PRKD1: variants seen among roughly 807,000 people sequenced by gnomAD.
PRKD1 encodes the protein protein kinase D1.
Under a neutral mutation model 95.9 loss-of-function variants are expected in PRKD1, and 63 were observed. That is an observed-to-expected ratio of 0.66 (90% confidence interval 0.54 to 0.81). The LOEUF (loss-of-function observed/expected upper bound fraction) is 0.81, where lower values mean the gene tolerates loss of function less well. PRKD1 is among the 30% of genes least tolerant of loss of function. The probability of loss-of-function intolerance (pLI) is 0.00; values close to 1 mark genes in which losing one functional copy is unlikely to be tolerated. For synonymous variants in PRKD1, 425 were observed against 423.1 expected, an observed-to-expected ratio of 1.00 and a Z score of -0.05; for missense variants, 1,048 against 1,165.3, an observed-to-expected ratio of 0.90 and a Z score of 1.47.
rs149044738 is a variant in PRKD1 at position 29,788,146 on chromosome 14, T to A, written c.265-62472A>T. 1.6e-3 allele frequency among the ~76,000 whole-genome samples: 244 copies of A among 152,254 alleles called. 1 individual carries two copies. Among genetic ancestry groups the A allele is most frequent in the African/African-American group, 5.7e-3 (237 of 41,548 alleles). The stretch of plus-strand genomic sequence containing the variant: ...CCTCAGTTTTTGCTTGTCTGAAAAA[T>A]AATTTATTTCTCCTATATTTTTGAA... On this transcript the variant is annotated intron_variant, in intron 1 of 17. Transcript: ENST00000331968.
chr14:29,829,288 T>C (rs1383597168), intron 1 of PRKD1, among the ~76,000 whole-genome samples: 4 of 152,186 alleles, frequency 2.6e-5, no homozygotes, highest in Admixed American at 6.5e-5. Context: ...AAATAAGTTG[T>C]TTAATGTCAC....
chr14:29,754,616 C>A (rs944175557), intron 1 of PRKD1, among the ~76,000 whole-genome samples: 2 of 152,050 alleles, frequency 1.3e-5, no homozygotes, highest in African/African-American at 2.4e-5. Flanking sequence ...AACTCTTTAT[C>A]ATATATAAAT....
chr14:29,712,004 A>G (rs1391965358), intron 2 of PRKD1, among the ~76,000 whole-genome samples: 2 of 152,172 alleles, frequency 1.3e-5, no homozygotes, highest in Admixed American at 6.6e-5. Flanking sequence ...TTAAACTTAT[A>G]GGAATATTGA....
chr14:29,897,182 T>G (rs1006631831), intron 1 of PRKD1, among the ~76,000 whole-genome samples: 3 of 152,056 alleles, frequency 2.0e-5, no homozygotes, highest in Non-Finnish European at 4.4e-5. Context: ...CGTGGACATC[T>G]TTCATGTAAA....
intron 1 of PRKD1, among the ~76,000 whole-genome samples, chr14:29,853,225 A>G (rs1223197189): frequency 6.6e-6 from 1 of 152,220 alleles, no homozygotes; most frequent in Non-Finnish European, 1.5e-5. Flanking sequence ...TAGATCATCA[A>G]ATTATATGAA....
Position 29,927,574 on chromosome 14 carries a change from A to G in PRKD1, c.-62T>C, listed in dbSNP as rs1352968484. On this transcript the variant is annotated 5_prime_UTR_variant, in exon 1 of 18. Coordinates refer to ENST00000331968, the MANE Select transcript of PRKD1 (RefSeq NM_002742.3). Reference sequence around the variant, plus strand: ...GGGGCTGGCGGCGCGGCAGCAGGAAAGTTTTGCAGCCGCTGAGCCAGGAGC... The same window carrying G: ...GGGGCTGGCGGCGCGGCAGCAGGAAGGTTTTGCAGCCGCTGAGCCAGGAGC... 2.7e-6 allele frequency: 3 copies of G among 1,093,314 alleles called. No individual in the cohort carries two copies. Among genetic ancestry groups the G allele is most frequent in the Admixed American group, 5.1e-5 (1 of 19,646 alleles). 67.7% of individuals were successfully genotyped at this position (1,093,314 alleles called of 1,614,324 possible).
chr14:29,802,189 A>G (rs1890062311), intron 1 of PRKD1, among the ~76,000 whole-genome samples: 1 of 152,076 alleles, frequency 6.6e-6, no homozygotes, highest in Admixed American at 6.6e-5. Flanking sequence ...AAAAGATGTG[A>G]CTCTACTTGA....
In PRKD1 at chr14:29,865,877, T is replaced by C. The variant is rs573584151; in HGVS notation, c.264+61372A>G. ...CCTATAACAACAAACCTTCTGCTAGTCCTGTATGTTACTGACTATCCATTA... is the reference window on the plus strand; with the variant it reads ...CCTATAACAACAAACCTTCTGCTAGCCCTGTATGTTACTGACTATCCATTA... On this transcript the variant is annotated intron_variant, in intron 1 of 17. Coordinates refer to ENST00000331968, the MANE Select transcript of PRKD1 (RefSeq NM_002742.3). 4.0e-5 allele frequency among the ~76,000 whole-genome samples: 6 copies of C among 151,876 alleles called. No individual in the cohort carries two copies. The East Asian group carries it at 1.2e-3, about 29-fold the overall frequency.
intron 1 of PRKD1, among the ~76,000 whole-genome samples, chr14:29,913,326 C>A (rs763304491): frequency 6.6e-6 from 1 of 152,052 alleles, no homozygotes; most frequent in African/African-American, 2.4e-5. Flanking sequence ...AAAATGTGTG[C>A]CCTAAGTCAG....
At chr14:29,599,885 T>C (rs955218432) in intron 13 of PRKD1, 68 bp from the exon 14 acceptor site, 3 of 1,427,626 alleles carry the variant, frequency 2.1e-6, no homozygotes, top group African/African-American at 2.8e-5. Flanking sequence ...GCTCGCTGAT[T>C]ATACAAAACT....
rs111716304 is a variant in PRKD1, at chr14:29,775,842, G to T, written c.265-50168C>A. Reference sequence around the variant, plus strand: ...TTTGAGATCTGAGAACAGCCAGACCGCCTCCTCAAGTGGGCCCCTGACCCC... The same window carrying T: ...TTTGAGATCTGAGAACAGCCAGACCTCCTCCTCAAGTGGGCCCCTGACCCC... On this transcript the variant is annotated intron_variant, in intron 1 of 17. Coordinates refer to ENST00000331968, the MANE Select transcript of PRKD1 (RefSeq NM_002742.3). Among the ~76,000 whole-genome samples, 505 of 152,268 alleles carry T rather than the reference G, an allele frequency of 3.3e-3. 1 individual carries two copies. Among genetic ancestry groups the T allele is most frequent in the African/African-American group, 0.011 (457 of 41,550 alleles).
At chr14:29,701,313 T>C (rs1884832745) in intron 2 of PRKD1, among the ~76,000 whole-genome samples, 1 of 152,176 alleles carries the variant, frequency 6.6e-6, no homozygotes, top group Admixed American at 6.5e-5. Context: ...GGCCCAAAAA[T>C]CTACGTTTTC....
At chr14:29,640,196 C>T (rs1046243966) in intron 4 of PRKD1, among the ~76,000 whole-genome samples, 20 of 152,242 alleles carry the variant, frequency 1.3e-4, no homozygotes, top group Middle Eastern at 3.4e-3. Context: ...GGGTCAAATG[C>T]TAGTAAATAG....
At chr14:29,619,860 C>T (rs1404976792) in intron 13 of PRKD1, among the ~76,000 whole-genome samples, 2 of 152,070 alleles carry the variant, frequency 1.3e-5, no homozygotes, top group African/African-American at 2.4e-5. Flanking sequence ...CAGCCTGCAT[C>T]ACCAAGTCAA....
chr14:29,921,071 T>G (rs1895085766), intron 1 of PRKD1, among the ~76,000 whole-genome samples: 1 of 152,244 alleles, frequency 6.6e-6, no homozygotes, highest in African/African-American at 2.4e-5. Flanking sequence ...TTATCTATTT[T>G]ATTTCCTTTT....
Position 29,865,897 on chromosome 14 carries a change from C to A in PRKD1, c.264+61352G>T, listed in dbSNP as rs534895953. Among the ~76,000 whole-genome samples the A allele has an allele frequency of 4.7e-4, 72 of 152,220 alleles. No homozygotes were observed. In the Middle Eastern group the frequency reaches 0.01, roughly 22 times the overall value. Reference sequence around the variant, plus strand: ...GCTAGTCCTGTATGTTACTGACTATCCATTAACTTCCATACATCTGGGATA... The same window carrying A: ...GCTAGTCCTGTATGTTACTGACTATACATTAACTTCCATACATCTGGGATA... On this transcript the variant is annotated intron_variant, in intron 1 of 17. Transcript: ENST00000331968.
chr14:29,652,443 A>G (rs1394831953), intron 4 of PRKD1, among the ~76,000 whole-genome samples: 1 of 152,194 alleles, frequency 6.6e-6, no homozygotes, highest in African/African-American at 2.4e-5. Context: ...ATGGACATAT[A>G]TGATAAGCCA....
intron 4 of PRKD1, among the ~76,000 whole-genome samples, chr14:29,646,246 G>A (rs1881114061): frequency 6.6e-6 from 1 of 152,070 alleles, no homozygotes; most frequent in Non-Finnish European, 1.5e-5. Flanking sequence ...TTGTTTGGGT[G>A]TGGGATGGGG....
intron 1 of PRKD1, among the ~76,000 whole-genome samples, chr14:29,925,165 G>T (rs45621134): frequency 6.6e-6 from 1 of 152,036 alleles, no homozygotes; most frequent in Non-Finnish European, 1.5e-5. Flanking sequence ...CAAAAGGAAA[G>T]GATTCCCCTT....
Sources: gnomAD v4.1 joint callset for allele counts (sites outside exome capture counted in the v4.1 genomes callset) on GRCh38, gnomAD v4.1.1 for gene constraint, MANE v1.5 for transcripts, NCBI Gene and HGNC (gene_info 2026-07-23, HGNC 2026-07-21) for gene names.